PI4KA: variants seen among roughly 807,000 people sequenced by gnomAD.
The protein encoded by PI4KA is phosphatidylinositol 4-kinase alpha, also known as PI4-kinase alpha.
In PI4KA, 122 loss-of-function variants were observed where a neutral mutation model predicts 271.4. The ratio of observed to expected loss-of-function variants is 0.45; its 90% CI spans 0.39 to 0.52. The LOEUF is 0.52. PI4KA is among the 20% of genes least tolerant of loss of function. The probability of loss-of-function intolerance (pLI) is 0.00; values close to 1 mark genes in which losing one functional copy is unlikely to be tolerated. For missense variants in PI4KA, 1,969 were observed against 2,769.1 expected (o/e 0.71, Z 6.48); for synonymous variants, 1,041 against 1,078.8 (o/e 0.96, Z 0.69).
intron 2 of PI4KA, among the ~76,000 whole-genome samples, chr22:20,836,244 A>G (rs1218385159): frequency 6.6e-6 from 1 of 152,182 alleles, no homozygotes; most frequent in African/African-American, 2.4e-5. Flanking sequence ...AACCGATGCT[A>G]AATGGAGTCA....
At chr22:20,752,154 C>T (rs1186213631) in intron 25 of PI4KA, among the ~76,000 whole-genome samples, 5 of 152,202 alleles carry the variant, frequency 3.3e-5, no homozygotes, top group Admixed American at 6.5e-5. Context: ...CCATGGGCTC[C>T]GATGGCCCCA....
chr22:20,842,533 C>A (rs1925685858), intron 1 of PI4KA, among the ~76,000 whole-genome samples: 1 of 152,202 alleles, frequency 6.6e-6, no homozygotes. Context: ...AGGCAATAGG[C>A]CGGGCACCGT....
At chr22:20,813,325 C>T (rs1350275594) in intron 8 of PI4KA, 33 bp downstream of exon 8, 2 of 1,467,676 alleles carry the variant, frequency 1.4e-6, no homozygotes, top group Non-Finnish European at 1.9e-6. Flanking sequence ...CTGACATATC[C>T]ATGGTCTGTT....
intron 1 of PI4KA, among the ~76,000 whole-genome samples, chr22:20,842,778 ACT>A (rs1218923359): frequency 3.5e-5 from 5 of 143,332 alleles, no homozygotes; most frequent in Admixed American, 2.2e-4. Flanking sequence ...GTGCCACTGC[ACT>A]CTCCAGCCTG....
chr22:20,748,925 C>T (rs1405928210), intron 28 of PI4KA, among the ~76,000 whole-genome samples: 7 of 152,248 alleles, frequency 4.6e-5, no homozygotes, highest in East Asian at 3.9e-4. Context: ...GCCTGGGGCA[C>T]GCCAAGGGGA....
chr22:20,772,783 CAAATT>C (rs1932938543), intron 19 of PI4KA, among the ~76,000 whole-genome samples: 1 of 152,146 alleles, frequency 6.6e-6, no homozygotes, highest in African/African-American at 2.4e-5. Flanking sequence ...ATTTAAAACA[CAAATT>C]AAAAAACAAA....
At chr22:20,713,732 G>A (rs1209309258) in intron 47 of PI4KA, among the ~76,000 whole-genome samples, 1 of 152,256 alleles carries the variant, frequency 6.6e-6, no homozygotes, top group Non-Finnish European at 1.5e-5. Flanking sequence ...GGGGTCCTGG[G>A]AGGGCTCGGG....
At chr22:20,756,370 G>A (rs1807531) in intron 23 of PI4KA, among the ~76,000 whole-genome samples, 69,439 of 151,778 alleles carry the variant, frequency 0.46, 16,489 homozygotes, top group African/African-American at 0.57. Context: ...ACAGGCATGC[G>A]CCACCATGCA....
chr22:20,722,191 G>T (rs1315374012), intron 42 of PI4KA, among the ~76,000 whole-genome samples: 2 of 151,932 alleles, frequency 1.3e-5, no homozygotes, highest in East Asian at 1.9e-4. Flanking sequence ...TTTTTTGTTT[G>T]TTTGTTTGTT....
chr22:20,838,120 CAA>C (rs1445243279), intron 2 of PI4KA, among the ~76,000 whole-genome samples: 5 of 83,474 alleles, frequency 6.0e-5, no homozygotes, highest in Non-Finnish European at 2.5e-5. Flanking sequence ...GACTCCATCT[CAA>C]AAAAAAAAAA....
At chr22:20,751,197 G>T in intron 27 of PI4KA, 96 bp downstream of exon 27, 1 of 960,096 alleles carries the variant, frequency 1.0e-6, no homozygotes, top group South Asian at 1.5e-5. Context: ...AATTGCTGGG[G>T]ACTGGGTGAG....
rs749215202 is a variant in PI4KA, at chr22:20,745,907, C to T, written c.3364-1187G>A. Among the ~76,000 whole-genome samples, 54 of 152,040 alleles carry T rather than the reference C, an allele frequency of 3.6e-4. 1 individual carries two copies. Among genetic ancestry groups the T allele is most frequent in the Non-Finnish European group, 5.0e-4 (34 of 67,982 alleles). On this transcript the variant is annotated intron_variant, in intron 29 of 54. Coordinates refer to ENST00000255882, the MANE Select transcript of PI4KA (RefSeq NM_058004.4). ...CACTCCTCACTGCCCAATGCGATCTCGGCTCACTGCAGCCTCCACCTCCCT... is the reference window on the plus strand; with the variant it reads ...CACTCCTCACTGCCCAATGCGATCTTGGCTCACTGCAGCCTCCACCTCCCT...
intron 43 of PI4KA, among the ~76,000 whole-genome samples, chr22:20,720,900 G>A (rs533610720): frequency 1.3e-5 from 2 of 152,296 alleles, no homozygotes; most frequent in East Asian, 3.9e-4. Flanking sequence ...ATTAAACAGC[G>A]CTCTTTGAGG....
At chr22:20,846,243 A>G (rs165750) in intron 1 of PI4KA, among the ~76,000 whole-genome samples, 67,902 of 140,158 alleles carry the variant, frequency 0.48, 17,245 homozygotes, top group African/African-American at 0.59. Flanking sequence ...CAGCCTGGGC[A>G]ACAGAACAAG....
chr22:20,713,083 C>T (rs1925519552), intron 48 of PI4KA, 198 bp downstream of exon 48: 14 of 694,390 alleles, frequency 2.0e-5, no homozygotes, highest in South Asian at 3.6e-5. Context: ...ACTGGCATGG[C>T]GGGGACAGTG....
intron 13 of PI4KA, 71 bp downstream of exon 13, chr22:20,803,120 C>T: frequency 6.7e-7 from 1 of 1,500,004 alleles, no homozygotes; most frequent in South Asian, 1.1e-5. Context: ...AGTCATGAAA[C>T]CTGTGTGAGG....
Position 20,742,729 on chromosome 22 carries a change from G to A in PI4KA, c.3492C>T (p.Gly1164=). Residue 1164 remains glycine (G), a synonymous_variant, in exon 31 of 55, where the codon GGC becomes GGT. Transcript: ENST00000255882. The stretch of plus-strand genomic sequence containing the variant: ...TCATTTTGTTCAGGTCAGACATCTG[G>A]CCTGTGGTGCCTGAGAACCGAATCA... ...YGMIRFSGTT[G]QMSDLNKMMV... is the part of the protein sequence containing the mutation. 6.2e-7 allele frequency: 1 copy of A among 1,613,742 alleles called. No individual in the cohort carries two copies. The highest frequency in any genetic ancestry group is 8.5e-7 in the Non-Finnish European group (1 of 1,179,646).
intron 32 of PI4KA, among the ~76,000 whole-genome samples, chr22:20,739,093 C>T (rs142920151): frequency 7.4e-4 from 111 of 150,970 alleles, no homozygotes; most frequent in African/African-American, 2.6e-3. Context: ...CGCCTAAAAT[C>T]CCAACACTTT....
intron 19 of PI4KA, among the ~76,000 whole-genome samples, chr22:20,772,940 G>C (rs1291102092): frequency 6.6e-6 from 1 of 151,938 alleles, no homozygotes; most frequent in Non-Finnish European, 1.5e-5. Context: ...AAAGTCAAAA[G>C]TTAGCTAGAC....
Sources: gnomAD v4.1 joint callset for allele counts (sites outside exome capture counted in the v4.1 genomes callset) on GRCh38, gnomAD v4.1.1 for gene constraint, MANE v1.5 for transcripts, NCBI Gene and HGNC (gene_info 2026-07-23, HGNC 2026-07-21) for gene names.